PDE2A: variants seen among roughly 807,000 people sequenced by gnomAD.
PDE2A encodes the protein cGMP-dependent 3',5'-cyclic phosphodiesterase.
Under a neutral mutation model 133.6 loss-of-function variants are expected in PDE2A, and 53 were observed. That is an observed-to-expected ratio of 0.40 (90% CI 0.32 to 0.50). The LOEUF is 0.50. Among genes scored for constraint, PDE2A ranks in the 20% least tolerant of loss-of-function variants. The probability of loss-of-function intolerance (pLI) is 0.73; values close to 1 mark genes in which losing one functional copy is unlikely to be tolerated. For missense variants in PDE2A, 796 were observed against 1,232.4 expected (o/e 0.65, Z 5.30); for synonymous variants, 491 against 490.2 (o/e 1.00, Z -0.02).
chr11:72,641,199 A>G (rs2135435886), intron 2 of PDE2A, among the ~76,000 whole-genome samples: 2 of 152,324 alleles, frequency 1.3e-5, no homozygotes, highest in South Asian at 4.1e-4. Flanking sequence ...GAGGGGCTTT[A>G]TAAGTTACAA....
intron 2 of PDE2A, among the ~76,000 whole-genome samples, chr11:72,629,504 C>G (rs1858262470): frequency 6.6e-6 from 1 of 152,242 alleles, no homozygotes; most frequent in Non-Finnish European, 1.5e-5. Context: ...GGAGCCCCGC[C>G]CCATGGGGAA....
At chr11:72,620,994 C>G (rs1457643493) in intron 2 of PDE2A, among the ~76,000 whole-genome samples, 1 of 152,082 alleles carries the variant, frequency 6.6e-6, no homozygotes, top group East Asian at 1.9e-4. Flanking sequence ...TGCTGCTCCC[C>G]AAGAGACCAT....
At chr11:72,629,269 T>C (rs1303404411) in intron 2 of PDE2A, among the ~76,000 whole-genome samples, 2 of 152,210 alleles carry the variant, frequency 1.3e-5, no homozygotes, top group Non-Finnish European at 2.9e-5. Context: ...GGCAGGCAGA[T>C]GGCCTAGGCA....
At chr11:72,644,724 A>T (rs1252555086) in intron 1 of PDE2A, among the ~76,000 whole-genome samples, 1 of 148,724 alleles carries the variant, frequency 6.7e-6, no homozygotes, top group East Asian at 2.0e-4. Flanking sequence ...AAGTTATTTT[A>T]TTTATTTTAT....
intron 6 of PDE2A, among the ~76,000 whole-genome samples, chr11:72,595,991 G>GC (rs1199447840): frequency 6.6e-6 from 1 of 152,030 alleles, no homozygotes; most frequent in Non-Finnish European, 1.5e-5. Context: ...ACTCCAGAAA[G>GC]CCCCCCTAGC....
chr11:72,658,759 T>C (rs1854969202), intron 1 of PDE2A, among the ~76,000 whole-genome samples: 1 of 152,136 alleles, frequency 6.6e-6, no homozygotes, highest in Non-Finnish European at 1.5e-5. Flanking sequence ...CTTTGTGCAG[T>C]CCTATGAATG....
At position 72,597,034 on chromosome 11, in the gene PDE2A, C is replaced by A. The variant is rs576874966; in HGVS notation, c.434-386G>T. The stretch of plus-strand genomic sequence containing the variant: ...TCCCAGTCTTGTGCACTTTCCACAT[C>A]GAGACAGAGGACAGAGACCTAGAGA... On this transcript the variant is annotated intron_variant, in intron 5 of 30. Coordinates refer to ENST00000334456, the MANE Select transcript of PDE2A (RefSeq NM_002599.5). The surrounding 1 kb of genome is among the most constrained non-coding windows in gnomAD (Gnocchi z 4.6). Among the ~76,000 whole-genome samples the A allele has an allele frequency of 1.3e-5, 2 of 152,054 alleles. No individual in the cohort carries two copies. Among genetic ancestry groups the A allele is most frequent in the African/African-American group, 4.8e-5 (2 of 41,398 alleles).
At chr11:72,611,940 G>A (rs2135370612) in intron 2 of PDE2A, among the ~76,000 whole-genome samples, 1 of 152,328 alleles carries the variant, frequency 6.6e-6, no homozygotes. Flanking sequence ...TGGGCTCAGA[G>A]GGAAGAGTTG....
At chr11:72,609,749 T>C (rs1295009530) in intron 2 of PDE2A, among the ~76,000 whole-genome samples, 1 of 151,992 alleles carries the variant, frequency 6.6e-6, no homozygotes, top group Non-Finnish European at 1.5e-5. Context: ...TCCTTTCAGA[T>C]GTCTTCCCAG....
rs1053171545 is a variant in PDE2A at position 72,590,010 on chromosome 11, G to A, written c.757-29C>T. 3 of 1,591,748 alleles carry A rather than the reference G, an allele frequency of 1.9e-6. No individual in the cohort carries two copies. The highest frequency in any genetic ancestry group is 1.7e-5 in the Admixed American group (1 of 58,012). On this transcript the variant is annotated intron_variant, in intron 9 of 30. Transcript: ENST00000334456. The surrounding 1 kb of genome is among the most constrained non-coding windows in gnomAD (Gnocchi z 4.8). ...AGAGAGGGACAGGCAGGGCGAGGGG[G>A]TGACCGCGGATCCGGGTCACCCCAC...
intron 2 of PDE2A, among the ~76,000 whole-genome samples, chr11:72,625,305 A>T (rs941018402): frequency 1.3e-5 from 2 of 152,226 alleles, no homozygotes; most frequent in African/African-American, 4.8e-5. Context: ...AGAGGAGATC[A>T]GCTCCGGGCC....
intron 1 of PDE2A, among the ~76,000 whole-genome samples, chr11:72,672,175 T>C (rs1159088835): frequency 6.6e-6 from 1 of 151,404 alleles, no homozygotes; most frequent in Non-Finnish European, 1.5e-5. Flanking sequence ...TCTTCTTCTT[T>C]TTTTTTTTCT....
At chr11:72,608,640 TG>T in intron 3 of PDE2A, 21 bp downstream of exon 3, 2 of 1,205,062 alleles carry the variant, frequency 1.7e-6, no homozygotes, top group Non-Finnish European at 2.4e-6. Context: ...GTGGGAAGCG[TG>T]GGGCAAGGGC....
At chr11:72,642,226 C>T (rs1260072042) in intron 2 of PDE2A, 28 bp downstream of exon 2, 1 of 1,474,540 alleles carries the variant, frequency 6.8e-7, no homozygotes. Flanking sequence ...CCCCGTTCTC[C>T]TGGTGCCCAG....
chr11:72,657,716 G>A (rs548138129), intron 1 of PDE2A: 17 of 446,068 alleles, frequency 3.8e-5, no homozygotes, highest in Non-Finnish European at 6.7e-5. Context: ...GGACATAGGC[G>A]TCTTAGGATC....
intron 30 of PDE2A, among the ~76,000 whole-genome samples, chr11:72,577,897 A>C (rs1855538893): frequency 6.6e-6 from 1 of 152,092 alleles, no homozygotes; most frequent in Admixed American, 6.6e-5. Flanking sequence ...GCTTGAACCC[A>C]GGAGGGGGAG....
chr11:72,657,280 A>C (rs1565195009), intron 1 of PDE2A, among the ~76,000 whole-genome samples: 1 of 152,090 alleles, frequency 6.6e-6, no homozygotes, highest in Non-Finnish European at 1.5e-5. Context: ...GGAGGGGAAA[A>C]GGGTTGGCAG....
intron 2 of PDE2A, chr11:72,631,001 G>C: frequency 8.2e-7 from 1 of 1,218,202 alleles, no homozygotes; most frequent in Non-Finnish European, 1.2e-6. Flanking sequence ...CAAGGGGGAG[G>C]GCACCACTCA....
chr11:72,631,034 CA>C, intron 2 of PDE2A: 1 of 1,441,428 alleles, frequency 6.9e-7, no homozygotes, highest in Non-Finnish European at 9.5e-7. Context: ...GTCTGCGCCC[CA>C]CCCCCTCAAG....
Sources: gnomAD v4.1 joint callset for allele counts (sites outside exome capture counted in the v4.1 genomes callset) on GRCh38, gnomAD v4.1.1 for gene constraint, Gnocchi (gnomAD v3.1) non-coding constraint, MANE v1.5 for transcripts, NCBI Gene and HGNC (gene_info 2026-07-23, HGNC 2026-07-21) for gene names.